POLR3A: variants seen among roughly 807,000 people sequenced by gnomAD.
POLR3A encodes RNA polymerase III subunit A.
In POLR3A, 112 loss-of-function variants were observed where a neutral mutation model predicts 152.8. That is an observed-to-expected ratio of 0.73 (90% CI 0.63 to 0.86). POLR3A has a LOEUF of 0.86. Among genes scored for constraint, POLR3A ranks in the 40% least tolerant of loss-of-function variants. The pLI is 0.00. For missense variants in POLR3A, 1,385 were observed against 1,743.1 expected (o/e 0.79, Z 3.66); for synonymous variants, 615 against 652.1 (o/e 0.94, Z 0.87).
At chr10:78,006,208 C>A (rs1847409227) in intron 15 of POLR3A, among the ~76,000 whole-genome samples, 1 of 151,628 alleles carries the variant, frequency 6.6e-6, no homozygotes, top group Non-Finnish European at 1.5e-5. Flanking sequence ...ACCACCCTGG[C>A]CAACATGGTG....
chr10:78,010,075 G>A, intron 12 of POLR3A, 84 bp from the exon 13 acceptor site: 1 of 1,542,618 alleles, frequency 6.5e-7, no homozygotes, highest in Non-Finnish European at 8.8e-7. Flanking sequence ...AAATAAATTT[G>A]AACCATGACC....
intron 1 of POLR3A, among the ~76,000 whole-genome samples, chr10:78,028,422 C>T (rs1589320663): frequency 2.6e-5 from 4 of 152,286 alleles, no homozygotes; most frequent in Admixed American, 2.6e-4. Context: ...CTAGATTAGG[C>T]AGTAAAAGTT....
intron 10 of POLR3A, among the ~76,000 whole-genome samples, chr10:78,016,708 T>C (rs1463358084): frequency 2.1e-5 from 3 of 143,682 alleles, no homozygotes; most frequent in Admixed American, 2.1e-4. Context: ...AGTGAGACTC[T>C]GTCTCAAAAA....
rs143334835 is a variant in POLR3A at position 78,014,071 on chromosome 10, C to T, written c.1432-281G>A. On this transcript the variant is annotated intron_variant, in intron 10 of 30. Transcript: ENST00000372371. ...ACTTGGGAGGCTGAGGCAGGAGAATCGCTTGAACCCAGGAGGTGGAGGTTG... is the reference window on the plus strand; with the variant it reads ...ACTTGGGAGGCTGAGGCAGGAGAATTGCTTGAACCCAGGAGGTGGAGGTTG... 1.4e-4 allele frequency among the ~76,000 whole-genome samples: 22 copies of T among 151,846 alleles called. No homozygotes were observed. The East Asian group carries it at 3.9e-3, about 27-fold the overall frequency.
intron 19 of POLR3A, among the ~76,000 whole-genome samples, chr10:77,996,488 C>T (rs1369821687): frequency 1.3e-5 from 2 of 152,100 alleles, no homozygotes; most frequent in African/African-American, 2.4e-5. Flanking sequence ...ATATCACCAA[C>T]GATCCCACAG....
rs191912313 is a variant in POLR3A, at chr10:78,017,228, T to C, written c.1431+347A>G. 3.0e-3 allele frequency among the ~76,000 whole-genome samples: 453 copies of C among 151,934 alleles called. 2 individuals carry two copies. The highest frequency in any genetic ancestry group is 4.7e-3 in the Non-Finnish European group (322 of 67,934). ...TCGCTTGAGCCCAAGAGTTCCAGAC[T>C]AGCTTGGGCAATATAGTGAGACCCC... On this transcript the variant is annotated intron_variant, in intron 10 of 30. Transcript: ENST00000372371.
At chr10:77,993,445 A>G in intron 19 of POLR3A, 78 bp from the exon 20 acceptor site, 1 of 1,069,792 alleles carries the variant, frequency 9.3e-7, no homozygotes, top group East Asian at 2.4e-5. Context: ...TTGCAACTCA[A>G]GAGTCTCAAG....
chr10:78,021,178 G>A (rs1847575542), intron 8 of POLR3A, among the ~76,000 whole-genome samples: 3 of 152,230 alleles, frequency 2.0e-5, no homozygotes, highest in Non-Finnish European at 4.4e-5. Context: ...TGTTGCCCAG[G>A]TTGGTCTTGA....
rs749131992 is a variant in POLR3A at position 78,021,527 on chromosome 10, C to T, written c.1185+19G>A. On this transcript the variant is annotated intron_variant, in intron 8 of 30. Transcript: ENST00000372371. ...ACTGAATTTAAAACAAAGAATTGAG[C>T]AGCTGAGTGGTCACTTACCTTCTCA... 3.7e-6 allele frequency: 6 copies of T among 1,612,988 alleles called. No homozygotes were observed. The African/African-American group carries it at 8.0e-5, about 22-fold the overall frequency.
chr10:77,996,457 C>T (rs1847301630), intron 19 of POLR3A, among the ~76,000 whole-genome samples: 1 of 152,118 alleles, frequency 6.6e-6, no homozygotes, highest in Non-Finnish European at 1.5e-5. Context: ...CAAATAGATG[C>T]AATAAAAAAT....
intron 11 of POLR3A, among the ~76,000 whole-genome samples, chr10:78,012,376 C>CAAAAAAAAAAAA (rs1222192948): frequency 8.6e-6 from 1 of 116,308 alleles, no homozygotes. Flanking sequence ...AACAAACAAA[C>CAAAAAAAAAAAA]AAAAAAAAAA....
intron 2 of POLR3A, 86 bp from the exon 3 acceptor site, chr10:78,025,845 AATC>A: frequency 7.6e-7 from 1 of 1,316,350 alleles, no homozygotes; most frequent in Non-Finnish European, 1.1e-6. Flanking sequence ...GGTGACACAG[AATC>A]ATTTCTTTTG....
chr10:78,025,773 C>T lies in POLR3A; in HGVS notation c.181-14G>A. The stretch of plus-strand genomic sequence containing the variant: ...CTCACTCGTACCCTTTGAAAAAAAG[C>T]ACACCCAATGATCAACACAGACTGC... On this transcript the variant is annotated splice_polypyrimidine_tract_variant and intron_variant, in intron 2 of 30. Transcript: ENST00000372371. The T allele has an allele frequency of 1.2e-6, 2 of 1,613,762 alleles. No homozygotes were observed. The highest frequency in any genetic ancestry group is 1.7e-6 in the Non-Finnish European group (2 of 1,179,642).
At chr10:78,024,451 TA>T in intron 5 of POLR3A, 97 bp downstream of exon 5, 2 of 1,237,022 alleles carry the variant, frequency 1.6e-6, no homozygotes, top group South Asian at 1.3e-5. Context: ...AGTGGGTGTC[TA>T]GGGGTGGGGC....
rs1006598912 is a variant in POLR3A, at chr10:77,976,667, G to C, written c.*811C>G. ...TACAAAAAACCATCTCATCCCCATTGCAGCAGGCCCCAAACTCCAGTGAGG... is the reference window on the plus strand; with the variant it reads ...TACAAAAAACCATCTCATCCCCATTCCAGCAGGCCCCAAACTCCAGTGAGG... On this transcript the variant is annotated 3_prime_UTR_variant, in exon 31 of 31. Coordinates refer to ENST00000372371, the MANE Select transcript of POLR3A (RefSeq NM_007055.4). 1 of 152,236 alleles carries C rather than the reference G, an allele frequency of 6.6e-6. No homozygotes were observed. The highest frequency in any genetic ancestry group is 2.4e-5 in the African/African-American group (1 of 41,462). 9.4% of individuals were successfully genotyped at this position (152,236 alleles called of 1,614,324 possible). A position where few individuals can be genotyped will look rare whatever the true frequency, so the allele number is the denominator to read the frequency against.
intron 20 of POLR3A, among the ~76,000 whole-genome samples, chr10:77,992,298 G>A (rs1294294201): frequency 6.7e-6 from 1 of 150,240 alleles, no homozygotes; most frequent in Non-Finnish European, 1.5e-5. Flanking sequence ...TTAAGACAGG[G>A]TCTTGGTCTG....
At chr10:78,020,990 A>T (rs1157816984) in intron 8 of POLR3A, among the ~76,000 whole-genome samples, 2 of 152,000 alleles carry the variant, frequency 1.3e-5, no homozygotes, top group African/African-American at 4.8e-5. Flanking sequence ...TTTTTTCTTA[A>T]AGATGGTCTC....
chr10:77,999,413 C>T (rs1026119825), intron 19 of POLR3A, among the ~76,000 whole-genome samples: 1 of 152,066 alleles, frequency 6.6e-6, no homozygotes, highest in African/African-American at 2.4e-5. Context: ...TTTTTCACTC[C>T]TCTGCCATTA....
chr10:78,007,351 C>A (rs576944433), intron 15 of POLR3A, among the ~76,000 whole-genome samples: 2 of 152,234 alleles, frequency 1.3e-5, no homozygotes, highest in African/African-American at 2.4e-5. Context: ...ATTGAGTAAT[C>A]TTGGAGAACT....
Sources: allele counts gnomAD v4.1 joint callset (sites outside exome capture counted in the v4.1 genomes callset), GRCh38; gene constraint gnomAD v4.1.1; transcripts MANE v1.5; gene names NCBI Gene and HGNC (gene_info 2026-07-23, HGNC 2026-07-21).